The following MMP12 variants were observed in gnomAD, a reference collection of about 807,000 sequenced individuals.
The protein encoded by MMP12 is macrophage metalloelastase.
In MMP12, 51 loss-of-function variants were observed where a neutral mutation model predicts 45.2. That is an observed-to-expected ratio of 1.13 (90% CI 0.90 to 1.42). The LOEUF (loss-of-function observed/expected upper bound fraction) is 1.42. MMP12 is among the 40% of genes most tolerant of loss of function. MMP12 has a pLI of 0.00. For missense variants in MMP12, 530 were observed against 570.8 expected (o/e 0.93, Z 0.73); for synonymous variants, 210 against 193.3 (o/e 1.09, Z -0.72).
intron 4 of MMP12, among the ~76,000 whole-genome samples, chr11:102,871,185 A>G (rs1299799059): frequency 4.6e-5 from 7 of 152,102 alleles, no homozygotes; most frequent in African/African-American, 1.7e-4. Context: ...AGTTAGCATC[A>G]TGATACGTGA....
In MMP12 at chr11:102,866,313, AC is replaced by A; in HGVS notation, c.1045+1del. The A allele has an allele frequency of 6.4e-7, 1 of 1,569,024 alleles. No homozygotes were observed. The highest frequency in any genetic ancestry group is 1.2e-5 in the South Asian group (1 of 84,512). On this transcript the variant is annotated splice_donor_variant, in intron 7 of 9. Transcript: ENST00000571244. LOFTEE classifies it high-confidence loss of function. The stretch of plus-strand genomic sequence containing the variant: ...AATGGCAAAACTAAAGATTAGAATT[AC>A]CTTTAAAAAGAAAAACTTGATTTCT...
chr11:102,863,194 T>C lies in MMP12; in HGVS notation c.1319A>G (p.Tyr440Cys). Reference sequence around the variant, plus strand: ...TTGGTTAGATCCTTGGAAGAAATAGTAGTATTCTGAAAATGAAAACAAATT... The same window carrying C: ...TTGGTTAGATCCTTGGAAGAAATAGCAGTATTCTGAAAATGAAAACAAATT... ...DAVFYSKNKY[Y>C]YFFQGSNQFE... The change falls in exon 10 of 10, where the codon TAC (tyrosine) becomes TGC (cysteine). Residue 440 changes from tyrosine (Y) to cysteine (C), a missense_variant. By Grantham distance (194) the Tyr-to-Cys change is radical. Transcript: ENST00000571244. 6.4e-7 allele frequency: 1 copy of C among 1,573,140 alleles called. No homozygotes were observed.
In MMP12 at chr11:102,874,975, T is replaced by C; in HGVS notation, c.-38A>G. 1 of 1,379,880 alleles carries C rather than the reference T, an allele frequency of 7.2e-7. No homozygotes were observed. The highest frequency in any genetic ancestry group is 1.0e-6 in the Non-Finnish European group (1 of 989,636). 85.5% of individuals were successfully genotyped at this position (1,379,880 alleles called of 1,614,324 possible). ...AACGGATCAATTCAGTTTACTGTGT[T>C]CCTTTCTAGCCTAAGTTCCTGAACT... On this transcript the variant is annotated 5_prime_UTR_variant, in exon 1 of 10. Transcript: ENST00000571244.
intron 1 of MMP12, among the ~76,000 whole-genome samples, chr11:102,874,192 A>G (rs1555009803): frequency 6.6e-6 from 1 of 152,150 alleles, no homozygotes; most frequent in African/African-American, 2.4e-5. Context: ...GAAAATAGGG[A>G]GACCAAACTC....
Position 102,865,669 on chromosome 11 carries a change from G to A in MMP12, c.1205+107C>T. 1.2e-6 allele frequency: 1 copy of A among 813,842 alleles called. No homozygotes were observed. Among genetic ancestry groups the A allele is most frequent in the East Asian group, 2.7e-5 (1 of 36,480 alleles). 50.4% of individuals were successfully genotyped at this position (813,842 alleles called of 1,614,324 possible). On this transcript the variant is annotated intron_variant, in intron 8 of 9. Coordinates refer to ENST00000571244, the MANE Select transcript of MMP12 (RefSeq NM_002426.6). This position sits in a 1 kb window ranked among gnomAD's most constrained non-coding sequence, Gnocchi z 4.1. ...ATTCTCTTAATCTCTCTCCCTGGAA[G>A]GTCAAGGAGCTTTGGGAATTTGCGC... is the stretch of plus-strand genomic sequence containing the variant.
At chr11:102,872,003 G>C in intron 2 of MMP12, 51 bp from the exon 3 acceptor site, 1 of 1,531,548 alleles carries the variant, frequency 6.5e-7, no homozygotes, top group Non-Finnish European at 8.8e-7. Flanking sequence ...GTGTTATTTT[G>C]TCTTACCACA....
At chr11:102,874,028 C>CAAA (rs35364937) in intron 1 of MMP12, among the ~76,000 whole-genome samples, 4,611 of 97,308 alleles carry the variant, frequency 0.047, 217 homozygotes, top group African/African-American at 0.14. Context: ...AACCCTGTCT[C>CAAA]AAAAAAAAAA....
chr11:102,873,081 A>G lies in MMP12; in HGVS notation c.134T>C (p.Ile45Thr), dbSNP rs200900481. ...CATTTTTGTCACTGGAAGTTTGTTT[A>G]TCTCAAGGCCATAAAATTTTTCTAA... ...RYLEKFYGLE[I>T]NKLPVTKMKY... The change falls in exon 2 of 10, where the codon ATA (isoleucine) becomes ACA (threonine). Residue 45 changes from isoleucine to threonine, a missense_variant. Coordinates refer to ENST00000571244, the MANE Select transcript of MMP12 (RefSeq NM_002426.6). 2.5e-6 allele frequency: 4 copies of G among 1,612,562 alleles called. No homozygotes were observed. Among genetic ancestry groups the G allele is most frequent in the Non-Finnish European group, 3.4e-6 (4 of 1,179,276 alleles).
intron 1 of MMP12, among the ~76,000 whole-genome samples, chr11:102,874,462 C>G: frequency 6.6e-6 from 1 of 152,062 alleles, no homozygotes; most frequent in East Asian, 1.9e-4. Flanking sequence ...ATCATGGCAG[C>G]CTGAAGTGGT....
chr11:102,870,651 G>A (rs1859476967), intron 4 of MMP12, among the ~76,000 whole-genome samples: 1 of 152,130 alleles, frequency 6.6e-6, no homozygotes, highest in African/African-American at 2.4e-5. Context: ...CTAAATAACA[G>A]GGGAGTTTAA....
At chr11:102,863,775 G>A in intron 9 of MMP12, among the ~76,000 whole-genome samples, 1 of 152,214 alleles carries the variant, frequency 6.6e-6, no homozygotes, top group Non-Finnish European at 1.5e-5. Flanking sequence ...GAAAGGTCAA[G>A]AGTGCAAGGT....
intron 4 of MMP12, 59 bp from the exon 5 acceptor site, chr11:102,868,128 A>C: frequency 7.6e-7 from 1 of 1,317,624 alleles, no homozygotes; most frequent in Non-Finnish European, 1.1e-6. Flanking sequence ...GGACAAGAAC[A>C]CAATATCTGA....
rs539552386 is a variant in MMP12, at chr11:102,869,325, T to C, written c.626-1256A>G. Among the ~76,000 whole-genome samples, 19 of 152,256 alleles carry C rather than the reference T, an allele frequency of 1.2e-4. 1 individual carries two copies. The South Asian group carries it at 3.7e-3, about 30-fold the overall frequency. On this transcript the variant is annotated intron_variant, in intron 4 of 9. Coordinates refer to ENST00000571244, the MANE Select transcript of MMP12 (RefSeq NM_002426.6). ...CACAAATCAAGAATTTTCTGTATCA[T>C]GGGTCCAGTAACCTTCCCAGCAAGA...
chr11:102,874,950 A>T lies in MMP12; in HGVS notation c.-13T>A. On this transcript the variant is annotated 5_prime_UTR_variant, in exon 1 of 10. Transcript: ENST00000571244. The stretch of plus-strand genomic sequence containing the variant: ...GAAGAAACTTCATTGTAAACTTCTA[A>T]ACGGATCAATTCAGTTTACTGTGTT... 6.5e-7 allele frequency: 1 copy of T among 1,531,650 alleles called. No individual in the cohort carries two copies. The highest frequency in any genetic ancestry group is 8.9e-7 in the Non-Finnish European group (1 of 1,120,812). The allele number at this position is 1,531,650 out of a possible 1,614,324, so 94.9% of individuals were successfully genotyped here. A position where few individuals can be genotyped will look rare whatever the true frequency, so the allele number is the denominator to read the frequency against.
intron 5 of MMP12, 127 bp from the exon 6 acceptor site, chr11:102,867,520 T>A (rs1341102997): frequency 4.0e-6 from 4 of 988,050 alleles, no homozygotes; most frequent in Non-Finnish European, 4.3e-6. Flanking sequence ...AAGCTTTCTA[T>A]AACATTCACA....
intron 9 of MMP12, among the ~76,000 whole-genome samples, chr11:102,863,542 G>A (rs570326620): frequency 6.6e-6 from 1 of 152,272 alleles, no homozygotes; most frequent in East Asian, 1.9e-4. Flanking sequence ...ACTCCAAGTG[G>A]AGGACTCATG....
At chr11:102,873,217 A>G (rs1243250779) in intron 1 of MMP12, 105 bp from the exon 2 acceptor site, 6 of 950,718 alleles carry the variant, frequency 6.3e-6, no homozygotes, top group Non-Finnish European at 9.4e-6. Flanking sequence ...TTGGACCAGG[A>G]ATTTTGCACA....
chr11:102,866,295 A>C lies in MMP12; in HGVS notation c.1045+20T>G, dbSNP rs1555008527. On this transcript the variant is annotated intron_variant, in intron 7 of 9. Transcript: ENST00000571244. ...CTTCCTTGAAGTAAACTCAATGGCA[A>C]AACTAAAGATTAGAATTACCTTTAA... 1 of 1,552,514 alleles carries C rather than the reference A, an allele frequency of 6.4e-7. No homozygotes were observed. Among genetic ancestry groups the C allele is most frequent in the Admixed American group, 2.1e-5 (1 of 48,608 alleles).
At position 102,865,941 on chromosome 11, in the gene MMP12, AAGAC is replaced by A. The variant is rs782786414; in HGVS notation, c.1046-10_1046-7del. On this transcript the variant is annotated splice_region_variant and splice_polypyrimidine_tract_variant and intron_variant, in intron 7 of 9. Transcript: ENST00000571244. This position sits in a 1 kb window ranked among gnomAD's most constrained non-coding sequence, Gnocchi z 4.1. ...AATTAACCAGTATTTGTCATCTGTG[AAGAC>A]AAAGAAATAGGGTAAATTTGAATTA... 1.9e-6 allele frequency: 3 copies of A among 1,599,748 alleles called. No homozygotes were observed. In the African/African-American group the frequency reaches 4.0e-5, roughly 22 times the overall value.
Sources: allele counts gnomAD v4.1 joint callset (sites outside exome capture counted in the v4.1 genomes callset), GRCh38; gene constraint gnomAD v4.1.1; non-coding constraint Gnocchi (gnomAD v3.1); transcripts MANE v1.5; gene names NCBI Gene and HGNC (gene_info 2026-07-23, HGNC 2026-07-21).